The following DLG5 variants were observed in gnomAD, a reference collection of about 807,000 sequenced individuals.
DLG5 encodes disks large homolog 5.
A neutral mutation model predicts 189.8 loss-of-function variants in DLG5; 48 were observed. The ratio of observed to expected loss-of-function variants is 0.25; its 90% confidence interval spans 0.20 to 0.32. The LOEUF (loss-of-function observed/expected upper bound fraction) is 0.32, where lower values mean the gene tolerates loss of function less well. Among genes scored for constraint, DLG5 ranks in the 10% least tolerant of loss-of-function variants. The pLI is 1.00. For synonymous variants in DLG5, 1,016 were observed against 1,054.1 expected, an observed-to-expected ratio of 0.96 and a Z score of 0.70; for missense variants, 2,160 against 2,544.7, an observed-to-expected ratio of 0.85 and a Z score of 3.25.
intron 30 of DLG5, 33 bp downstream of exon 30, chr10:77,794,816 G>T: frequency 6.3e-7 from 1 of 1,580,962 alleles, no homozygotes. Flanking sequence ...CTGTGACAAG[G>T]CCCCAGCGGA....
At chr10:77,860,154 G>T (rs1417814488) in intron 2 of DLG5, among the ~76,000 whole-genome samples, 1 of 152,206 alleles carries the variant, frequency 6.6e-6, no homozygotes, top group Non-Finnish European at 1.5e-5. Context: ...ATAAACTGAG[G>T]CCCAGCAAGG....
rs750293302 is a variant in DLG5, at chr10:77,811,116, G to C, written c.4441C>G (p.Pro1481Ala). ...GACCTGGAGCTGCTCTGCTTGGCTG[G>C]GGGGGTGCTAGGCCCCTCGTCCTGC... The part of the protein sequence containing the change: ...MEQDEGPSTP[P>A]AKQSSSRIAG... Residue 1481 changes from proline (P) to alanine (A), a missense_variant, in exon 23 of 32, where the codon CCA becomes GCA. Physicochemically the swap from Pro to Ala is conservative, Grantham distance 27. Around this residue, in one of 5 missense-constraint regions of DLG5, gnomAD observed 574 missense variants for 644.2 expected, o/e 0.89. Transcript: ENST00000372391. 15 of 1,611,926 alleles carry C rather than the reference G, an allele frequency of 9.3e-6. No homozygotes were observed. The highest frequency in any genetic ancestry group is 8.3e-5 in the Admixed American group (5 of 59,980).
At chr10:77,853,620 C>T (rs1844089265) in intron 4 of DLG5, 83 bp from the exon 5 acceptor site, 1 of 1,333,808 alleles carries the variant, frequency 7.5e-7, no homozygotes, top group Non-Finnish European at 1.0e-6. Flanking sequence ...AGCCTCAGGT[C>T]CCAACACTTC....
Position 77,809,725 on chromosome 10 carries a change from G to A in DLG5, c.4469C>T (p.Ala1490Val), listed in dbSNP as rs202080761. The A allele has an allele frequency of 6.8e-5, 110 of 1,610,722 alleles. No individual in the cohort carries two copies. Among genetic ancestry groups the A allele is most frequent in the East Asian group, 5.4e-4 (24 of 44,792 alleles). ...CAGGGTCTTCTTGTTGGCATCTCCC[G>A]CAATCCTTTCAGGAAAAAAACAAAG... is the stretch of plus-strand genomic sequence containing the variant. ...PPAKQSSSRI[A>V]GDANKKTLEP... Residue 1490 changes from alanine (A) to valine (V), a missense_variant, in exon 24 of 32, where the codon GCG becomes GTG. Coordinates refer to ENST00000372391, the MANE Select transcript of DLG5 (RefSeq NM_004747.4).
intron 13 of DLG5, among the ~76,000 whole-genome samples, chr10:77,825,812 C>T (rs1842607761): frequency 6.6e-6 from 1 of 152,140 alleles, no homozygotes; most frequent in African/African-American, 2.4e-5. Context: ...CCGCCTCGGC[C>T]TCCCAAAGTG....
intron 26 of DLG5, 34 bp downstream of exon 26, chr10:77,806,724 G>GGCCCCCCCCCCC: frequency 3.9e-6 from 4 of 1,016,158 alleles, no homozygotes; most frequent in Non-Finnish European, 4.4e-6. Context: ...GGCGACCCCT[G>GGCCCCCCCCCCC]CCCCACCCCA....
intron 7 of DLG5, 132 bp downstream of exon 7, chr10:77,841,749 C>A (rs1453810418): frequency 2.0e-5 from 20 of 1,017,874 alleles, no homozygotes; most frequent in Non-Finnish European, 2.6e-5. Context: ...CCAGCTTGCA[C>A]TTAGGCCTCC....
Position 77,796,240 on chromosome 10 carries a change from A to G in DLG5, c.5309-52T>C, listed in dbSNP as rs1840915967. ...GGAGCCCCAGGCCCTGCTGAGCCCC[A>G]GCAGAGGGAGCAGGGGAAGAACACT... is the stretch of plus-strand genomic sequence containing the variant. On this transcript the variant is annotated intron_variant, in intron 28 of 31. Transcript: ENST00000372391. This position sits in a 1 kb window ranked among gnomAD's most constrained non-coding sequence, Gnocchi z 5.2. 1.2e-6 allele frequency: 2 copies of G among 1,612,744 alleles called. No individual in the cohort carries two copies. The highest frequency in any genetic ancestry group is 1.7e-5 in the Admixed American group (1 of 59,990).
chr10:77,899,759 T>C (rs924977425), intron 1 of DLG5, among the ~76,000 whole-genome samples: 10 of 152,106 alleles, frequency 6.6e-5, no homozygotes, highest in African/African-American at 2.2e-4. Flanking sequence ...CCTCCAAAAC[T>C]TCAGCTCAGA....
chr10:77,930,013 C>T (rs1846771492), upstream of DLG5, among the ~76,000 whole-genome samples: 1 of 152,188 alleles, frequency 6.6e-6, no homozygotes, highest in East Asian at 1.9e-4. Context: ...ACCCACCTTT[C>T]CTACTTTCTT....
At chr10:77,793,734 A>G in intron 31 of DLG5, 1 of 478,114 alleles carries the variant, frequency 2.1e-6, no homozygotes, top group Non-Finnish European at 3.8e-6. Flanking sequence ...CACCTGTGCT[A>G]TGAGACAGAC....
chr10:77,863,052 A>C (rs1157520558), intron 2 of DLG5, among the ~76,000 whole-genome samples: 1 of 152,192 alleles, frequency 6.6e-6, no homozygotes, highest in Non-Finnish European at 1.5e-5. Context: ...AATACATTTT[A>C]CTGTATGTAA....
chr10:77,924,010 G>A (rs1274956748), intron 1 of DLG5, among the ~76,000 whole-genome samples: 2 of 151,878 alleles, frequency 1.3e-5, no homozygotes, highest in African/African-American at 2.4e-5. Flanking sequence ...GACTACAGGC[G>A]CCCACAACCA....
At chr10:77,864,855 T>A in intron 2 of DLG5, among the ~76,000 whole-genome samples, 1 of 152,016 alleles carries the variant, frequency 6.6e-6, no homozygotes. Flanking sequence ...CAGCTTGGAG[T>A]GAAAGGAGGT....
chr10:77,918,892 C>T (rs1846450521), intron 1 of DLG5, among the ~76,000 whole-genome samples: 1 of 151,978 alleles, frequency 6.6e-6, no homozygotes, highest in Non-Finnish European at 1.5e-5. Context: ...GCAGAACATA[C>T]AGGTGGTTGG....
intron 1 of DLG5, among the ~76,000 whole-genome samples, chr10:77,883,128 A>G (rs976022698): frequency 1.4e-4 from 22 of 152,152 alleles, no homozygotes; most frequent in African/African-American, 5.3e-4. Flanking sequence ...GCAAGCAGGT[A>G]TGAGCTTCAG....
At chr10:77,897,813 A>G (rs1394596472) in intron 1 of DLG5, among the ~76,000 whole-genome samples, 1 of 152,088 alleles carries the variant, frequency 6.6e-6, no homozygotes, top group Non-Finnish European at 1.5e-5. Flanking sequence ...AAAAAAAAGG[A>G]TGTGGTTCCC....
intron 1 of DLG5, among the ~76,000 whole-genome samples, chr10:77,896,940 T>C (rs1347838262): frequency 6.6e-6 from 1 of 151,364 alleles, no homozygotes; most frequent in East Asian, 1.9e-4. Flanking sequence ...CAAAACAAAA[T>C]GTCAGAGAAA....
At chr10:77,922,277 G>A (rs752112) in intron 1 of DLG5, among the ~76,000 whole-genome samples, 14,664 of 152,046 alleles carry the variant, frequency 0.096, 1,427 homozygotes, top group East Asian at 0.26. Flanking sequence ...CAGGGGCAGG[G>A]AGTTGAGAAT....
Sources: allele counts gnomAD v4.1 joint callset (sites outside exome capture counted in the v4.1 genomes callset), GRCh38; gene constraint gnomAD v4.1.1; regional missense constraint gnomAD v4.1.1; non-coding constraint Gnocchi (gnomAD v3.1); transcripts MANE v1.5; gene names NCBI Gene and HGNC (gene_info 2026-07-23, HGNC 2026-07-21).